Variants in EIF4G3 observed in about 807,000 individuals in gnomAD.
EIF4G3 encodes eIF-4-gamma 3.
EIF4G3 carries 34 observed loss-of-function variants against 186.4 expected under a neutral mutation model. That is an observed-to-expected ratio of 0.18 (90% confidence interval 0.14 to 0.24). The LOEUF (loss-of-function observed/expected upper bound fraction) is 0.24, where lower values mean the gene tolerates loss of function less well. Ranked by LOEUF, EIF4G3 falls within the 10% of genes least tolerant of loss-of-function variation. The pLI is 1.00. For synonymous variants in EIF4G3, 673 were observed against 679.5 expected (o/e 0.99, Z 0.15); for missense variants, 1,536 against 1,948.5 (o/e 0.79, Z 3.99).
In EIF4G3 at chr1:20,985,533, T is replaced by A. The variant is rs898903415; in HGVS notation, c.178-3125A>T. 7.7e-4 allele frequency among the ~76,000 whole-genome samples: 115 copies of A among 150,066 alleles called. 1 individual carries two copies. Among genetic ancestry groups the A allele is most frequent in the African/African-American group, 2.7e-3 (108 of 40,628 alleles). ...AGAAATGCAAAAAAAAAAAAAAATA[T>A]ATATCCTTTTTGTACTCCTTCCAAA... On this transcript the variant is annotated intron_variant, in intron 7 of 36. Transcript: ENST00000602326.
chr1:21,125,334 T>C lies in EIF4G3; in HGVS notation c.-271-36121A>G, dbSNP rs373276439. On this transcript the variant is annotated intron_variant, in intron 2 of 36. Transcript: ENST00000602326. ...CAATGTTTAAACTCTATTTAAACAT[T>C]TGAAACAGTACCCTCACTTTCTTAA... Among the ~76,000 whole-genome samples, 45 of 152,326 alleles carry C rather than the reference T, an allele frequency of 3.0e-4. 3 individuals carry two copies. Among genetic ancestry groups the C allele is most frequent in the African/African-American group, 8.4e-4 (35 of 41,566 alleles).
chr1:20,977,885 A>G (rs1371515837), intron 10 of EIF4G3, among the ~76,000 whole-genome samples: 8 of 152,338 alleles, frequency 5.3e-5, no homozygotes, highest in Middle Eastern at 3.4e-3. Context: ...GGGCTGGCAC[A>G]GACTTACAGC....
At chr1:20,964,258 T>C (rs2074116910) in intron 12 of EIF4G3, among the ~76,000 whole-genome samples, 1 of 152,162 alleles carries the variant, frequency 6.6e-6, no homozygotes, top group African/African-American at 2.4e-5. Context: ...TTTAAGAACT[T>C]AATGTTCTGA....
chr1:21,128,885 A>C (rs2097099458), intron 2 of EIF4G3, among the ~76,000 whole-genome samples: 1 of 152,160 alleles, frequency 6.6e-6, no homozygotes, highest in Non-Finnish European at 1.5e-5. Context: ...TATCACACTC[A>C]CTTTAAAAGG....
chr1:21,173,137 C>CA (rs1193601902), intron 2 of EIF4G3, among the ~76,000 whole-genome samples: 3,325 of 29,154 alleles, frequency 0.11, 957 homozygotes, highest in East Asian at 0.24. Flanking sequence ...GACTCAATCT[C>CA]AAAAAAAAAA....
chr1:21,008,772 A>G (rs1158837830), intron 4 of EIF4G3, among the ~76,000 whole-genome samples: 1 of 152,280 alleles, frequency 6.6e-6, no homozygotes, highest in Non-Finnish European at 1.5e-5. Flanking sequence ...ACATGGAATG[A>G]GTAATACAGA....
chr1:20,981,903 G>A (rs1027167594), intron 8 of EIF4G3, among the ~76,000 whole-genome samples: 1 of 152,102 alleles, frequency 6.6e-6, no homozygotes, highest in Non-Finnish European at 1.5e-5. Flanking sequence ...CTGATAAAGA[G>A]TAAGTGGTTC....
chr1:21,129,928 T>C (rs1259253050), intron 2 of EIF4G3, among the ~76,000 whole-genome samples: 2 of 152,080 alleles, frequency 1.3e-5, no homozygotes, highest in Non-Finnish European at 2.9e-5. Flanking sequence ...TGAGGCCAGA[T>C]ACACCAGGTC....
At chr1:20,808,551 G>A (rs2058589344) in intron 36 of EIF4G3, among the ~76,000 whole-genome samples, 1 of 151,998 alleles carries the variant, frequency 6.6e-6, no homozygotes, top group East Asian at 2.0e-4. Context: ...CATGGTGGCG[G>A]GTGCCTGTAG....
At chr1:21,091,452 C>T (rs1055571078) in intron 2 of EIF4G3, among the ~76,000 whole-genome samples, 1 of 152,160 alleles carries the variant, frequency 6.6e-6, no homozygotes, top group Non-Finnish European at 1.5e-5. Context: ...TAAGCCACCG[C>T]ACCTGACCAT....
In EIF4G3 at chr1:20,981,206, G is replaced by A; in HGVS notation, c.220C>T (p.Gln74Ter). ...PIQFFQRPQI[Q>*]PPRATIPNSS... ...TTCGGGATGGTAGCTCTAGGAGGCT[G>A]TATTTGAGGCCTCTGGAAAAACTGG... The change falls in exon 9 of 37, where the codon CAG becomes TAG. Residue 74 changes from glutamine to a stop codon, truncating the protein, a stop_gained. Transcript: ENST00000602326. LOFTEE classifies it high-confidence loss of function. 6.2e-7 allele frequency: 1 copy of A among 1,604,322 alleles called. No homozygotes were observed. Among genetic ancestry groups the A allele is most frequent in the Non-Finnish European group, 8.5e-7 (1 of 1,175,254 alleles).
At chr1:21,153,197 GA>G (rs2097578835) in intron 2 of EIF4G3, among the ~76,000 whole-genome samples, 1 of 152,096 alleles carries the variant, frequency 6.6e-6, no homozygotes, top group Admixed American at 6.6e-5. Context: ...CCACTTTCAG[GA>G]TGTGTTATTT....
chr1:21,046,856 AAAAG>A (rs1293335179), intron 4 of EIF4G3, among the ~76,000 whole-genome samples: 1 of 152,176 alleles, frequency 6.6e-6, no homozygotes, highest in Non-Finnish European at 1.5e-5. Context: ...GTAGCCAAAT[AAAAG>A]AATTAGCAGG....
chr1:20,927,756 C>A (rs2095020660), intron 14 of EIF4G3, among the ~76,000 whole-genome samples: 6 of 152,188 alleles, frequency 3.9e-5, no homozygotes, highest in Admixed American at 3.9e-4. Flanking sequence ...AAACACAGAT[C>A]CCTTATGTTC....
chr1:21,054,540 G>A (rs2094475562), intron 3 of EIF4G3, among the ~76,000 whole-genome samples: 1 of 151,942 alleles, frequency 6.6e-6, no homozygotes, highest in Middle Eastern at 3.4e-3. Context: ...CTTCAGTGGT[G>A]CGTTAAAAAT....
chr1:21,072,655 G>A (rs2100422183), intron 3 of EIF4G3, among the ~76,000 whole-genome samples: 1 of 152,082 alleles, frequency 6.6e-6, no homozygotes, highest in East Asian at 1.9e-4. Flanking sequence ...GCCCGCCTCA[G>A]TATCCCAAAG....
chr1:20,886,314 T>C lies in EIF4G3; in HGVS notation c.2311A>G (p.Ile771Val). Residue 771 changes from isoleucine (I) to valine (V), a missense_variant, in exon 19 of 37, where the codon ATC (isoleucine) becomes GTC (valine). Coordinates refer to ENST00000602326, the MANE Select transcript of EIF4G3 (RefSeq NM_001391906.1). ...TCTTCTTTTACAGAAACTGTGATGA[T>C]CTTTCTGGGTTCTCTTCTTTGGCCA... ...QPGQRREPRK[I>V]ITVSVKEDVH... 2 of 1,614,138 alleles carry C rather than the reference T, an allele frequency of 1.2e-6. No individual in the cohort carries two copies. The highest frequency in any genetic ancestry group is 1.7e-6 in the Non-Finnish European group (2 of 1,180,012).
Position 20,981,270 on chromosome 1 carries a change from CAG to C in EIF4G3, c.199-45_199-44del, listed in dbSNP as rs367912801. The C allele has an allele frequency of 1.0e-3, 1,288 of 1,259,004 alleles. 12 individuals are homozygous for C. The African/African-American group carries it at 0.017, about 17-fold the overall frequency. The allele number at this position is 1,259,004 out of a possible 1,614,324, so 78.0% of individuals were successfully genotyped here. A position where few individuals can be genotyped will look rare whatever the true frequency, so the allele number is the denominator to read the frequency against. On this transcript the variant is annotated intron_variant, in intron 8 of 36. Transcript: ENST00000602326. ...AAAAAATTTTTTTTTTTTTTTAACA[CAG>C]GGGAATATATAAATTTTACTGTCTC...
rs1026635166 is a variant in EIF4G3, at chr1:20,981,753, T to C, written c.199-526A>G. On this transcript the variant is annotated intron_variant, in intron 8 of 36. Transcript: ENST00000602326. ...CACATACTGTATATACACATACATATATGTATACACACATACTGTATATAT... is the reference window on the plus strand; with the variant it reads ...CACATACTGTATATACACATACATACATGTATACACACATACTGTATATAT... 2.6e-4 allele frequency among the ~76,000 whole-genome samples: 38 copies of C among 144,328 alleles called. 2 individuals carry two copies. Among genetic ancestry groups the C allele is most frequent in the African/African-American group, 6.5e-4 (26 of 40,096 alleles). The allele number at this position is 144,328 out of a possible 152,430, so 94.7% of individuals were successfully genotyped here.
Sources: gnomAD v4.1 joint callset for allele counts (sites outside exome capture counted in the v4.1 genomes callset) on GRCh38, gnomAD v4.1.1 for gene constraint, MANE v1.5 for transcripts, NCBI Gene and HGNC (gene_info 2026-07-23, HGNC 2026-07-21) for gene names.